The following CYGB variants were observed in gnomAD, a reference collection of about 807,000 sequenced individuals.
CYGB encodes cytoglobin.
Under a neutral mutation model 20.7 loss-of-function variants are expected in CYGB, and 13 were observed. The observed-to-expected ratio is 0.63, with a 90% CI of 0.41 to 1.00. CYGB has a LOEUF of 1.00. Ranked by LOEUF, CYGB falls within the 50% of genes least tolerant of loss-of-function variation. The pLI is 0.00. For synonymous variants in CYGB, 93 were observed against 107.4 expected, an observed-to-expected ratio of 0.87 and a Z score of 0.83; for missense variants, 218 against 257.2, an observed-to-expected ratio of 0.85 and a Z score of 1.04.
intron 1 of CYGB, chr17:76,543,868 C>T (rs1452103501): frequency 2.1e-6 from 1 of 471,030 alleles, no homozygotes; most frequent in Non-Finnish European, 4.4e-6. Flanking sequence ...CCAGTTGGAT[C>T]TGTGACATGT....
Position 76,531,449 on chromosome 17 carries a change from G to A in CYGB, c.375+11C>T. 2 of 1,597,672 alleles carry A rather than the reference G, an allele frequency of 1.3e-6. No individual in the cohort carries two copies. The highest frequency in any genetic ancestry group is 1.3e-5 in the African/African-American group (1 of 74,764). On this transcript the variant is annotated intron_variant, in intron 2 of 3. Coordinates refer to ENST00000293230, the MANE Select transcript of CYGB (RefSeq NM_134268.5). This position sits in a 1 kb window ranked among gnomAD's most constrained non-coding sequence, Gnocchi z 7.4. The stretch of plus-strand genomic sequence containing the variant: ...GGCGGTGGGGGCTCTGCAGCAGATG[G>A]GGGCGCATACCTTGAAGTACACCGG...
chr17:76,530,347 C>G lies in CYGB; in HGVS notation c.539+632G>C, dbSNP rs191363547. 6.6e-6 allele frequency among the ~76,000 whole-genome samples: 1 copy of G among 152,186 alleles called. No individual in the cohort carries two copies. The highest frequency in any genetic ancestry group is 1.5e-5 in the Non-Finnish European group (1 of 68,002). On this transcript the variant is annotated intron_variant, in intron 3 of 3. Transcript: ENST00000293230. The surrounding 1 kb of genome is among the most constrained non-coding windows in gnomAD (Gnocchi z 6.1). ...CCGAGTCAGCAGGAGTCACAGAGGG[C>G]GGCCACCCTCCTTGAGCCACCTCCT... is the stretch of plus-strand genomic sequence containing the variant.
chr17:76,543,104 G>T (rs1474269586), intron 1 of CYGB: 1 of 471,360 alleles, frequency 2.1e-6, no homozygotes, highest in Admixed American at 2.3e-5. Context: ...AGAATGGGGG[G>T]AAGCAGCACT....
chr17:76,528,584 C>T lies in CYGB; in HGVS notation c.567G>A (p.Gly189=), dbSNP rs142721826. Residue 189 remains glycine, a synonymous_variant, in exon 4 of 4, where the codon GGG becomes GGA. Transcript: ENST00000293230. The surrounding 1 kb of genome is among the most constrained non-coding windows in gnomAD (Gnocchi z 5.8). ...TTPPATLPSS[G]P The stretch of plus-strand genomic sequence containing the variant: ...GGGGGTGGAGTTAGGGGTCCTACGG[C>T]CCCGAAGAGGGCAGTGTGGCCGGTG... 6.2e-4 allele frequency: 804 copies of T among 1,287,306 alleles called. 18 individuals carry two copies. In the Admixed American group the frequency reaches 0.029, roughly 46 times the overall value. The allele number at this position is 1,287,306 out of a possible 1,614,324, so 79.7% of individuals were successfully genotyped here. A position where few individuals can be genotyped will look rare whatever the true frequency, so the allele number is the denominator to read the frequency against.
rs546840882 is a variant in CYGB at position 76,527,813 on chromosome 17, C to T, written c.*765G>A. ...TCCCACCCAGAACTTCGCTCTGCCC[C>T]TGCCCATTCTAGGACAGCCGGTGAG... On this transcript the variant is annotated 3_prime_UTR_variant, in exon 4 of 4. Transcript: ENST00000293230. 2.2e-6 allele frequency: 1 copy of T among 453,972 alleles called. No homozygotes were observed. The highest frequency in any genetic ancestry group is 7.0e-5 in the East Asian group (1 of 14,388). 28.1% of individuals were successfully genotyped at this position (453,972 alleles called of 1,614,324 possible).
intron 1 of CYGB, among the ~76,000 whole-genome samples, chr17:76,534,101 T>TC (rs59548748): frequency 2.1e-5 from 3 of 139,980 alleles, no homozygotes; most frequent in African/African-American, 7.5e-5. Context: ...TTTTTTCTTT[T>TC]TCTTTCTTTC....
At chr17:76,545,045 C>A (rs1392499396) in intron 1 of CYGB, 1 of 452,512 alleles carries the variant, frequency 2.2e-6, no homozygotes, top group Admixed American at 2.4e-5. Context: ...AGCTGGGGTG[C>A]CATGTGGGCC....
In CYGB at chr17:76,531,064, C is replaced by A; in HGVS notation, c.454G>T (p.Ala152Ser). The change falls in exon 3 of 4, where the codon GCC (alanine) becomes TCC (serine). Residue 152 changes from alanine to serine, a missense_variant. Ala to Ser is a moderately conservative substitution (Grantham distance 99). Around this residue, in one of 2 missense-constraint regions of CYGB, gnomAD observed 66 missense variants for 107.4 expected, o/e 0.61. Transcript: ENST00000293230. This position sits in a 1 kb window ranked among gnomAD's most constrained non-coding sequence, Gnocchi z 7.4. ...DFPPETQRAW[A>S]KLRGLIYSHV... ...CTGTAGATGAGGCCACGCAGCTTGG[C>A]CCAGGCTCTCTGCGTCTCAGGTGGG... 6.2e-7 allele frequency: 1 copy of A among 1,613,970 alleles called. No homozygotes were observed. Among genetic ancestry groups the A allele is most frequent in the Non-Finnish European group, 8.5e-7 (1 of 1,179,950 alleles).
rs201699563 is a variant in CYGB at position 76,531,437 on chromosome 17, C to G, written c.375+23G>C. 2 of 1,594,618 alleles carry G rather than the reference C, an allele frequency of 1.3e-6. No individual in the cohort carries two copies. The highest frequency in any genetic ancestry group is 1.1e-5 in the South Asian group (1 of 90,620). On this transcript the variant is annotated intron_variant, in intron 2 of 3. Coordinates refer to ENST00000293230, the MANE Select transcript of CYGB (RefSeq NM_134268.5). The surrounding 1 kb of genome is among the most constrained non-coding windows in gnomAD (Gnocchi z 7.4). ...CCATGACGCGTGGGCGGTGGGGGCT[C>G]TGCAGCAGATGGGGGCGCATACCTT...
intron 1 of CYGB, among the ~76,000 whole-genome samples, chr17:76,548,339 C>A (rs1339566096): frequency 6.6e-6 from 1 of 152,188 alleles, no homozygotes; most frequent in Non-Finnish European, 1.5e-5. Flanking sequence ...GAGGCAGAAG[C>A]CATTTGAACT....
chr17:76,534,000 C>T lies in CYGB; in HGVS notation c.144-2309G>A, dbSNP rs950410483. ...CTGCCATGAGCCATGATGGCGCCAC[C>T]GTACTCCAGCTTGGGTGACAGAGCA... On this transcript the variant is annotated intron_variant, in intron 1 of 3. Coordinates refer to ENST00000293230, the MANE Select transcript of CYGB (RefSeq NM_134268.5). This position sits in a 1 kb window ranked among gnomAD's most constrained non-coding sequence, Gnocchi z 4.5. Among the ~76,000 whole-genome samples the T allele has an allele frequency of 6.6e-5, 10 of 151,406 alleles. No homozygotes were observed. The highest frequency in any genetic ancestry group is 2.0e-4 in the Admixed American group (3 of 15,210).
intron 1 of CYGB, chr17:76,544,645 C>G (rs1314602489): frequency 2.2e-6 from 1 of 456,810 alleles, no homozygotes; most frequent in East Asian, 6.9e-5. Flanking sequence ...GCCTGTCTCT[C>G]TCTTTGGAGG....
intron 1 of CYGB, chr17:76,542,752 T>G: frequency 1.4e-6 from 1 of 716,154 alleles, no homozygotes; most frequent in Non-Finnish European, 2.5e-6. Flanking sequence ...TTGCCACTGA[T>G]GGAGGTTCAA....
chr17:76,550,374 C>T (rs1259566560), intron 1 of CYGB: 2 of 151,952 alleles, frequency 1.3e-5, no homozygotes, highest in African/African-American at 2.4e-5. Context: ...GATTCTCCTG[C>T]CTCAGCCTCC....
At chr17:76,550,991 C>T (rs1016808044) in exon 1 of CYGB, 16 of 152,192 alleles carry the variant, frequency 1.1e-4, no homozygotes, top group Non-Finnish European at 2.2e-4. Flanking sequence ...GTGAGGTGAC[C>T]TTTGCCAAGG....
In CYGB at chr17:76,527,499, G is replaced by C; in HGVS notation, c.*1079C>G. The stretch of plus-strand genomic sequence containing the variant: ...TGGGCCAGGAGGGGACACAGCAGGA[G>C]CCACAGCAGCAAAACATCCTTGAAG... On this transcript the variant is annotated 3_prime_UTR_variant, in exon 4 of 4. Transcript: ENST00000293230. The C allele has an allele frequency of 2.4e-6, 1 of 419,812 alleles. No individual in the cohort carries two copies. Among genetic ancestry groups the C allele is most frequent in the South Asian group, 1.7e-5 (1 of 58,972 alleles). The allele number at this position is 419,812 out of a possible 1,614,324, so 26.0% of individuals were successfully genotyped here.
intron 1 of CYGB, among the ~76,000 whole-genome samples, chr17:76,548,756 G>A (rs1270372239): frequency 6.6e-6 from 1 of 152,230 alleles, no homozygotes; most frequent in Non-Finnish European, 1.5e-5. Flanking sequence ...GGAGTGCTGT[G>A]TGCCAGGCAC....
At position 76,531,615 on chromosome 17, in the gene CYGB, G is replaced by T; in HGVS notation, c.220C>A (p.Arg74=). The T allele has an allele frequency of 1.2e-6, 2 of 1,613,448 alleles. No homozygotes were observed. Among genetic ancestry groups the T allele is most frequent in the Non-Finnish European group, 1.7e-6 (2 of 1,179,406 alleles). Residue 74 remains arginine, a synonymous_variant, in exon 2 of 4, where the codon CGG becomes AGG. Transcript: ENST00000293230. The surrounding 1 kb of genome is among the most constrained non-coding windows in gnomAD (Gnocchi z 7.4). ...KHMEDPLEME[R]SPQLRKHACR... ...GCGTGCTTCCGCAGCTGGGGGCTCC[G>T]CTCCATCTCCAGGGGATCCTCCATG...
At chr17:76,538,817 T>C (rs369778023), upstream of CYGB, among the ~76,000 whole-genome samples, 7 of 152,354 alleles carry the variant, frequency 4.6e-5, no homozygotes, top group South Asian at 2.1e-4. Context: ...CTGGCAGTGT[T>C]GGGAAGAGAT....
Sources: gnomAD v4.1 joint callset for allele counts (sites outside exome capture counted in the v4.1 genomes callset) on GRCh38, gnomAD v4.1.1 for gene constraint, gnomAD v4.1.1 regional missense constraint, Gnocchi (gnomAD v3.1) non-coding constraint, MANE v1.5 for transcripts, NCBI Gene and HGNC (gene_info 2026-07-23, HGNC 2026-07-21) for gene names.